MSRA: variants seen among roughly 807,000 people sequenced by gnomAD.
MSRA encodes mitochondrial peptide methionine sulfoxide reductase.
In MSRA, 54 loss-of-function variants were observed where a neutral mutation model predicts 31.3. The observed-to-expected ratio is 1.73, with a 90% CI of 1.39 to 2.17. MSRA has a LOEUF of 2.17. Among genes scored for constraint, MSRA ranks in the 30% most tolerant of loss-of-function variants. MSRA has a pLI of 0.00. For synonymous variants in MSRA, 169 were observed against 116.5 expected, an observed-to-expected ratio of 1.45 and a Z score of -2.90; for missense variants, 507 against 300.9, an observed-to-expected ratio of 1.69 and a Z score of -5.07.
At chr8:10,069,187 A>T (rs1797608611) in intron 1 of MSRA, among the ~76,000 whole-genome samples, 1 of 152,218 alleles carries the variant, frequency 6.6e-6, no homozygotes, top group Admixed American at 6.5e-5. Flanking sequence ...TTCTACATAG[A>T]CAGTCATGTC....
At chr8:10,325,447 T>C (rs1427811477) in intron 5 of MSRA, among the ~76,000 whole-genome samples, 14 of 152,186 alleles carry the variant, frequency 9.2e-5, no homozygotes, top group Admixed American at 9.2e-4. Context: ...TTTTAAGTCA[T>C]GTATAGATCT....
At chr8:10,267,648 C>G (rs1233806510) in intron 3 of MSRA, among the ~76,000 whole-genome samples, 1 of 152,052 alleles carries the variant, frequency 6.6e-6, no homozygotes, top group South Asian at 2.1e-4. Flanking sequence ...GAGAGAGATA[C>G]AGGAAGGAGC....
At chr8:10,348,357 C>CTTTTTTTTT (rs34083972) in intron 5 of MSRA, among the ~76,000 whole-genome samples, 11 of 64,242 alleles carry the variant, frequency 1.7e-4, no homozygotes, top group East Asian at 5.9e-4. Flanking sequence ...AAATTATTGC[C>CTTTTTTTTT]TTTTTTTTTT....
intron 1 of MSRA, among the ~76,000 whole-genome samples, chr8:10,077,169 G>C (rs1012212052): frequency 2.9e-4 from 44 of 152,270 alleles, no homozygotes; most frequent in African/African-American, 9.9e-4. Flanking sequence ...GAAATGGATG[G>C]TCGGCCACAG....
At chr8:10,055,365 G>A (rs1295916808) in intron 1 of MSRA, among the ~76,000 whole-genome samples, 1 of 152,246 alleles carries the variant, frequency 6.6e-6, no homozygotes, top group Non-Finnish European at 1.5e-5. Flanking sequence ...TCGATGCCAT[G>A]TAATGGTAAA....
At chr8:10,084,215 G>C (rs1798434185) in intron 1 of MSRA, among the ~76,000 whole-genome samples, 1 of 152,220 alleles carries the variant, frequency 6.6e-6, no homozygotes, top group African/African-American at 2.4e-5. Flanking sequence ...GGTTTTCCTA[G>C]CGCTTCTCTT....
At chr8:10,184,451 G>A (rs1021770446) in intron 1 of MSRA, among the ~76,000 whole-genome samples, 2 of 152,038 alleles carry the variant, frequency 1.3e-5, no homozygotes, top group South Asian at 4.2e-4. Flanking sequence ...GGTTTGGCTG[G>A]TGTTATTCTC....
intron 5 of MSRA, among the ~76,000 whole-genome samples, chr8:10,419,954 G>T (rs1023116151): frequency 6.6e-6 from 1 of 152,166 alleles, no homozygotes; most frequent in Non-Finnish European, 1.5e-5. Flanking sequence ...CAGGGTCAGC[G>T]CTGGAAGCTG....
At chr8:10,344,574 C>CAAA (rs56843505) in intron 5 of MSRA, among the ~76,000 whole-genome samples, 7 of 64,638 alleles carry the variant, frequency 1.1e-4, no homozygotes, top group Admixed American at 2.3e-4. Context: ...GACTCCGTCT[C>CAAA]AAAAAAAAAA....
intron 1 of MSRA, among the ~76,000 whole-genome samples, chr8:10,189,056 T>C (rs1418031003): frequency 6.6e-6 from 1 of 152,200 alleles, no homozygotes. Flanking sequence ...TGTTTTATAG[T>C]TTTCAGGGTA....
Position 10,428,222 on chromosome 8 carries a change from C to G in MSRA, c.618C>G (p.Asp206Glu). 6.2e-7 allele frequency: 1 copy of G among 1,614,242 alleles called. No homozygotes were observed. Among genetic ancestry groups the G allele is most frequent in the East Asian group, 2.2e-5 (1 of 44,884 alleles). Residue 206 changes from aspartate (D) to glutamate (E), a missense_variant, in exon 6 of 6, where the codon GAC becomes GAG. Transcript: ENST00000317173. ...GACAGACTTTCTACTATGCGGAAGA[C>G]TACCACCAGCAGTACCTGAGCAAGA... ...REGQTFYYAE[D>E]YHQQYLSKNP...
intron 5 of MSRA, among the ~76,000 whole-genome samples, chr8:10,410,261 A>G (rs1394982940): frequency 6.6e-6 from 1 of 152,166 alleles, no homozygotes; most frequent in East Asian, 1.9e-4. Context: ...AAGTCTGCCA[A>G]CAGGCTAGGT....
At chr8:10,324,352 T>C (rs1802238265) in intron 5 of MSRA, among the ~76,000 whole-genome samples, 1 of 152,184 alleles carries the variant, frequency 6.6e-6, no homozygotes, top group South Asian at 2.1e-4. Context: ...ATGTGCATTG[T>C]AGAGGGGTGG....
intron 1 of MSRA, among the ~76,000 whole-genome samples, chr8:10,167,271 C>T (rs1234491930): frequency 6.6e-6 from 1 of 152,116 alleles, no homozygotes; most frequent in African/African-American, 2.4e-5. Flanking sequence ...GATTGGTGTC[C>T]AAAGGCAGCC....
rs114336446 is a variant in MSRA, at chr8:10,317,413, A to G, written c.437-2470A>G. 9.2e-4 allele frequency among the ~76,000 whole-genome samples: 140 copies of G among 152,336 alleles called. 1 individual carries two copies. The highest frequency in any genetic ancestry group is 3.3e-3 in the African/African-American group (136 of 41,582). The stretch of plus-strand genomic sequence containing the variant: ...GTCATCATCTTATGCTTCATTATAG[A>G]TGAAGCGTTTCTGTTTTCCTCTGCT... On this transcript the variant is annotated intron_variant, in intron 4 of 5. Transcript: ENST00000317173.
rs540461309 is a variant in MSRA, at chr8:10,319,314, A to G, written c.437-569A>G. ...CACTGTCACACTCAGATAGAAACTG[A>G]CTATCATCCACCCTTCAGCTGCTGA... On this transcript the variant is annotated intron_variant, in intron 4 of 5. Transcript: ENST00000317173. Among the ~76,000 whole-genome samples, 13 of 152,232 alleles carry G rather than the reference A, an allele frequency of 8.5e-5. No individual in the cohort carries two copies. The East Asian group carries it at 2.3e-3, about 27-fold the overall frequency.
intron 1 of MSRA, among the ~76,000 whole-genome samples, chr8:10,186,774 C>T (rs1450755649): frequency 6.6e-6 from 1 of 152,162 alleles, no homozygotes; most frequent in Admixed American, 6.5e-5. Context: ...CTGCCTCTGC[C>T]TAACATAACG....
chr8:10,135,747 C>G (rs1235082151), intron 1 of MSRA, among the ~76,000 whole-genome samples: 2 of 152,126 alleles, frequency 1.3e-5, no homozygotes, highest in Non-Finnish European at 2.9e-5. Flanking sequence ...ATCGGTAATT[C>G]CAAGTGGTTC....
At chr8:10,117,439 G>A (rs776859562) in intron 1 of MSRA, among the ~76,000 whole-genome samples, 7 of 152,364 alleles carry the variant, frequency 4.6e-5, no homozygotes, top group Non-Finnish European at 7.3e-5. Flanking sequence ...ATAGAAAGGG[G>A]AGCAGGGCTG....
Sources: gnomAD v4.1 joint callset for allele counts (sites outside exome capture counted in the v4.1 genomes callset) on GRCh38, gnomAD v4.1.1 for gene constraint, MANE v1.5 for transcripts, NCBI Gene and HGNC (gene_info 2026-07-23, HGNC 2026-07-21) for gene names.